RPS6KA2: variants seen among roughly 807,000 people sequenced by gnomAD.
RPS6KA2 encodes ribosomal protein S6 kinase alpha-2.
Under a neutral mutation model 91.8 loss-of-function variants are expected in RPS6KA2, and 42 were observed. The observed-to-expected ratio is 0.46, with a 90% CI of 0.36 to 0.59. The LOEUF (loss-of-function observed/expected upper bound fraction) is 0.59, where lower values mean the gene tolerates loss of function less well. Among genes scored for constraint, RPS6KA2 ranks in the 20% least tolerant of loss-of-function variants. RPS6KA2 has a pLI of 0.00. For synonymous variants in RPS6KA2, 414 were observed against 393.6 expected (o/e 1.05, Z -0.61); for missense variants, 798 against 978.5 (o/e 0.82, Z 2.46).
At position 166,459,515 on chromosome 6, in the gene RPS6KA2, G is replaced by A; in HGVS notation, c.1009C>T (p.Pro337Ser). Reference sequence around the variant, plus strand: ...GTGTCCTCAGGCCTGCCCACTGCTGGTTTGAACGGTGGCTTGATCTCCTTC... The same window carrying A: ...GTGTCCTCAGGCCTGCCCACTGCTGATTTGAACGGTGGCTTGATCTCCTTC... The part of the protein sequence containing the change: ...YRKEIKPPFK[P>S]AVGRPEDTFH... The change falls in exon 12 of 21, where the codon CCA (proline) becomes TCA (serine). Residue 337 changes from proline to serine, a missense_variant. Transcript: ENST00000265678. This position sits in a 1 kb window ranked among gnomAD's most constrained non-coding sequence, Gnocchi z 4.9. The A allele has an allele frequency of 6.2e-7, 1 of 1,614,108 alleles. No homozygotes were observed. Among genetic ancestry groups the A allele is most frequent in the Non-Finnish European group, 8.5e-7 (1 of 1,179,966 alleles).
intron 2 of RPS6KA2, among the ~76,000 whole-genome samples, chr6:166,776,536 G>T (rs1778624098): frequency 6.6e-6 from 1 of 152,252 alleles, no homozygotes; most frequent in South Asian, 2.1e-4. Flanking sequence ...CCCAACATCT[G>T]CCTCTTCCAC....
rs187964942 is a variant in RPS6KA2, at chr6:166,563,289, C to T, written c.100-24505G>A. On this transcript the variant is annotated intron_variant, in intron 1 of 20. Coordinates refer to ENST00000265678, the MANE Select transcript of RPS6KA2 (RefSeq NM_021135.6). The surrounding 1 kb of genome is among the most constrained non-coding windows in gnomAD (Gnocchi z 4.1). Reference sequence around the variant, plus strand: ...GGGGTGGAGCTGGGAGAGGCCCCAGCGGGAAGCACTCGGAGGAGCGGGGGC... The same window carrying T: ...GGGGTGGAGCTGGGAGAGGCCCCAGTGGGAAGCACTCGGAGGAGCGGGGGC... Among the ~76,000 whole-genome samples, 7 of 152,278 alleles carry T rather than the reference C, an allele frequency of 4.6e-5. No individual in the cohort carries two copies. Among genetic ancestry groups the T allele is most frequent in the African/African-American group, 9.6e-5 (4 of 41,544 alleles).
At chr6:166,680,492 A>C (rs548779034) in intron 2 of RPS6KA2, among the ~76,000 whole-genome samples, 1 of 150,258 alleles carries the variant, frequency 6.7e-6, no homozygotes, top group South Asian at 2.4e-4. Flanking sequence ...TTTGTAGTAA[A>C]TCTTGCTGGT....
At chr6:166,542,618 A>T (rs551154775) in intron 1 of RPS6KA2, among the ~76,000 whole-genome samples, 11 of 152,370 alleles carry the variant, frequency 7.2e-5, no homozygotes, top group African/African-American at 2.6e-4. Context: ...AGGAATTTTT[A>T]AAATTCCTGC....
chr6:166,567,752 G>C (rs1784546055), intron 1 of RPS6KA2, among the ~76,000 whole-genome samples: 1 of 152,180 alleles, frequency 6.6e-6, no homozygotes, highest in African/African-American at 2.4e-5. Context: ...TGGAAAACCT[G>C]TTCGGAGGAA....
At chr6:166,687,075 A>G (rs1034202667) in intron 2 of RPS6KA2, among the ~76,000 whole-genome samples, 2 of 152,108 alleles carry the variant, frequency 1.3e-5, no homozygotes, top group Non-Finnish European at 2.9e-5. Context: ...CTTCACGGAC[A>G]CCTGCGACTC....
At position 166,852,914 on chromosome 6, in the gene RPS6KA2, C is replaced by T. The variant is rs946048287; in HGVS notation, c.123+5286G>A. Among the ~76,000 whole-genome samples the T allele has an allele frequency of 2.6e-5, 4 of 152,102 alleles. No individual in the cohort carries two copies. Among genetic ancestry groups the T allele is most frequent in the African/African-American group, 9.7e-5 (4 of 41,414 alleles). On this transcript the variant is annotated intron_variant, in intron 2 of 21. Coordinates refer to the RPS6KA2 transcript ENST00000503859. This position sits in a 1 kb window ranked among gnomAD's most constrained non-coding sequence, Gnocchi z 4.1. ...GTGTCCTGCCAACTGATGGTGACAG[C>T]AGGAAATGCACCTGCCCTGCCCCCT... is the stretch of plus-strand genomic sequence containing the variant.
intron 2 of RPS6KA2, among the ~76,000 whole-genome samples, chr6:166,532,867 C>T (rs1381109735): frequency 6.7e-6 from 1 of 150,240 alleles, no homozygotes; most frequent in East Asian, 1.9e-4. Context: ...GTGTGTGTGT[C>T]CCCAAAGCTG....
chr6:166,805,799 C>A (rs1779479361), intron 2 of RPS6KA2, among the ~76,000 whole-genome samples: 1 of 152,064 alleles, frequency 6.6e-6, no homozygotes, highest in Non-Finnish European at 1.5e-5. Flanking sequence ...TGAAAAAGAC[C>A]TGATGGTAGA....
At chr6:166,510,541 G>T (rs796501940) in intron 3 of RPS6KA2, among the ~76,000 whole-genome samples, 184 bp from the exon 4 acceptor site, 21 of 73,118 alleles carry the variant, frequency 2.9e-4, no homozygotes, top group South Asian at 5.5e-4. Context: ...TAATACATTT[G>T]CTTTCTCTCT....
chr6:166,635,722 T>A lies in RPS6KA2; in HGVS notation c.124-96938A>T, dbSNP rs1787216069. ...GAGGATGCCATGAGCATCACCTGGG[T>A]GTGTCTGCAGAAGGACGTTCAACTC... is the stretch of plus-strand genomic sequence containing the variant. On this transcript the variant is annotated intron_variant, in intron 2 of 21. Coordinates refer to the RPS6KA2 transcript ENST00000503859. The surrounding 1 kb of genome is among the most constrained non-coding windows in gnomAD (Gnocchi z 4.8). Among the ~76,000 whole-genome samples, 1 of 152,012 alleles carries A rather than the reference T, an allele frequency of 6.6e-6. No homozygotes were observed. Among genetic ancestry groups the A allele is most frequent in the South Asian group, 2.1e-4 (1 of 4,814 alleles).
At chr6:166,724,868 C>A (rs1562402730) in intron 2 of RPS6KA2, among the ~76,000 whole-genome samples, 1 of 152,214 alleles carries the variant, frequency 6.6e-6, no homozygotes, top group Admixed American at 6.5e-5. Flanking sequence ...AGCTCACGCC[C>A]TCCCCTCCTC....
At position 166,701,049 on chromosome 6, in the gene RPS6KA2, T is replaced by A. The variant is rs1286385354; in HGVS notation, c.123+157151A>T. 3 of 1,376,086 alleles carry A rather than the reference T, an allele frequency of 2.2e-6. No homozygotes were observed. In the African/African-American group the frequency reaches 4.3e-5, roughly 20 times the overall value. The allele number at this position is 1,376,086 out of a possible 1,614,324, so 85.2% of individuals were successfully genotyped here. A position where few individuals can be genotyped will look rare whatever the true frequency, so the allele number is the denominator to read the frequency against. On this transcript the variant is annotated intron_variant, in intron 2 of 21. Transcript: ENST00000503859. The stretch of plus-strand genomic sequence containing the variant: ...GCCTGTCTGTTTGTTAAGCAATCTG[T>A]CTTTGGTTTGGCATCTGCCTCCGTG...
At chr6:166,802,833 A>C (rs963305949) in intron 2 of RPS6KA2, among the ~76,000 whole-genome samples, 1 of 152,176 alleles carries the variant, frequency 6.6e-6, no homozygotes, top group African/African-American at 2.4e-5. Context: ...ATAAAGACAA[A>C]AGAATTTACT....
At chr6:166,814,922 T>A (rs568835985) in intron 2 of RPS6KA2, among the ~76,000 whole-genome samples, 15 of 152,320 alleles carry the variant, frequency 9.8e-5, no homozygotes, top group African/African-American at 3.4e-4. Flanking sequence ...ATAAAGTGCA[T>A]ATAAATGTAA....
chr6:166,466,528 C>T (rs190849771), intron 11 of RPS6KA2, among the ~76,000 whole-genome samples: 3 of 152,320 alleles, frequency 2.0e-5, no homozygotes, highest in Non-Finnish European at 2.9e-5. Context: ...CTGCAGCCCT[C>T]AGGGTCTCCC....
At chr6:166,507,568 AC>A (rs1453847082) in intron 5 of RPS6KA2, among the ~76,000 whole-genome samples, 1 of 149,924 alleles carries the variant, frequency 6.7e-6, no homozygotes, top group East Asian at 2.0e-4. Context: ...ACACAAACAC[AC>A]CCCACACATA....
chr6:166,649,801 C>A (rs1787791760), intron 2 of RPS6KA2, among the ~76,000 whole-genome samples: 1 of 152,138 alleles, frequency 6.6e-6, no homozygotes, highest in Non-Finnish European at 1.5e-5. Flanking sequence ...CACGGGCTGT[C>A]TTCCTTGGAA....
intron 2 of RPS6KA2, among the ~76,000 whole-genome samples, chr6:166,658,727 T>C (rs1199753115): frequency 6.6e-6 from 1 of 152,070 alleles, no homozygotes; most frequent in Non-Finnish European, 1.5e-5. Flanking sequence ...GTTTGTGGTG[T>C]TGAAGTTGGC....
Sources: gnomAD v4.1 joint callset for allele counts (sites outside exome capture counted in the v4.1 genomes callset) on GRCh38, gnomAD v4.1.1 for gene constraint, Gnocchi (gnomAD v3.1) non-coding constraint, MANE v1.5 for transcripts, NCBI Gene and HGNC (gene_info 2026-07-23, HGNC 2026-07-21) for gene names.